Variants in GSK3B observed in about 807,000 individuals in gnomAD.
GSK3B encodes the protein glycogen synthase kinase-3 beta.
Under a neutral mutation model 56.4 loss-of-function variants are expected in GSK3B, and 15 were observed. That is an observed-to-expected ratio of 0.27 (90% CI 0.18 to 0.41). The LOEUF (loss-of-function observed/expected upper bound fraction) is 0.41, where lower values mean the gene tolerates loss of function less well. Ranked by LOEUF, GSK3B falls within the 10% of genes least tolerant of loss-of-function variation. GSK3B has a pLI of 1.00. For synonymous variants in GSK3B, 181 were observed against 188.9 expected, an observed-to-expected ratio of 0.96 and a Z score of 0.34; for missense variants, 300 against 513.4, an observed-to-expected ratio of 0.58 and a Z score of 4.02.
chr3:120,032,490 AT>A (rs2057986175), intron 1 of GSK3B, among the ~76,000 whole-genome samples: 1 of 149,780 alleles, frequency 6.7e-6, no homozygotes. Context: ...AAAAAAAAAA[AT>A]TAATTTCATC....
chr3:120,038,787 T>A (rs1465268706), intron 1 of GSK3B, among the ~76,000 whole-genome samples: 2 of 151,732 alleles, frequency 1.3e-5, no homozygotes, highest in Non-Finnish European at 2.9e-5. Flanking sequence ...TGACGAGGAC[T>A]TTTTACATAC....
intron 2 of GSK3B, among the ~76,000 whole-genome samples, chr3:119,973,158 A>T (rs1337107762): frequency 6.6e-6 from 1 of 152,190 alleles, no homozygotes; most frequent in Non-Finnish European, 1.5e-5. Context: ...AGTAAGCATT[A>T]TTACTACTAC....
intron 8 of GSK3B, among the ~76,000 whole-genome samples, chr3:119,865,759 G>A (rs1214611908): frequency 6.6e-5 from 10 of 151,792 alleles, no homozygotes; most frequent in Non-Finnish European, 1.2e-4. Context: ...GTGAGCCACC[G>A]TGCCCGGCCT....
intron 1 of GSK3B, among the ~76,000 whole-genome samples, chr3:120,034,476 AT>A (rs1265439941): frequency 1.3e-5 from 2 of 152,240 alleles, no homozygotes; most frequent in Admixed American, 6.5e-5. Flanking sequence ...TTTGTGGGGG[AT>A]AAAAAATTAT....
At chr3:119,902,980 G>C (rs916639573) in intron 7 of GSK3B, among the ~76,000 whole-genome samples, 1 of 152,068 alleles carries the variant, frequency 6.6e-6, no homozygotes, top group Non-Finnish European at 1.5e-5. Flanking sequence ...CTCCCAAAGT[G>C]CTGGGGTTAC....
chr3:119,965,059 A>AT (rs1320897409), intron 2 of GSK3B, among the ~76,000 whole-genome samples: 7 of 103,190 alleles, frequency 6.8e-5, no homozygotes, highest in East Asian at 2.7e-4. Context: ...TTTTTTTTTA[A>AT]TTTTTTTTTG....
At chr3:119,861,150 GAA>G (rs1317086849) in intron 9 of GSK3B, among the ~76,000 whole-genome samples, 2 of 152,032 alleles carry the variant, frequency 1.3e-5, no homozygotes, top group Non-Finnish European at 2.9e-5. Context: ...AGCTTCCTTA[GAA>G]AACAAGATCA....
intron 6 of GSK3B, among the ~76,000 whole-genome samples, chr3:119,907,281 G>C (rs1269249218): frequency 6.6e-6 from 1 of 152,022 alleles, no homozygotes; most frequent in Non-Finnish European, 1.5e-5. Context: ...AATTGTAAGG[G>C]AATAATTATG....
intron 8 of GSK3B, among the ~76,000 whole-genome samples, chr3:119,869,047 C>A (rs781576189): frequency 4.6e-5 from 7 of 151,334 alleles, no homozygotes; most frequent in Non-Finnish European, 1.0e-4. Flanking sequence ...TTAAAATATT[C>A]TCCCTATCTT....
chr3:120,026,964 G>T (rs111507584), intron 1 of GSK3B, among the ~76,000 whole-genome samples: 3,879 of 150,578 alleles, frequency 0.026, 168 homozygotes, highest in African/African-American at 0.089. Flanking sequence ...CCAGCTACTT[G>T]GGAGGCTGAG....
At chr3:119,835,921 C>A (rs1448203841) in intron 10 of GSK3B, among the ~76,000 whole-genome samples, 1 of 152,130 alleles carries the variant, frequency 6.6e-6, no homozygotes, top group East Asian at 1.9e-4. Flanking sequence ...GAAAAGCAAG[C>A]ATCTAATAAA....
chr3:119,823,534 T>C lies in GSK3B; in HGVS notation c.*3254A>G, dbSNP rs552528462. The C allele has an allele frequency of 5.3e-6, 1 of 188,226 alleles. No homozygotes were observed. 11.7% of individuals were successfully genotyped at this position (188,226 alleles called of 1,614,324 possible). Reference sequence around the variant, plus strand: ...GATAAAAGAGGAGAGAGAGAGAGCATGGAAGGCTCCCAGAATCTGCTGTTT... The same window carrying C: ...GATAAAAGAGGAGAGAGAGAGAGCACGGAAGGCTCCCAGAATCTGCTGTTT... On this transcript the variant is annotated 3_prime_UTR_variant, in exon 11 of 11. Transcript: ENST00000264235.
chr3:120,048,769 G>C (rs2058123948), intron 1 of GSK3B, among the ~76,000 whole-genome samples: 1 of 152,132 alleles, frequency 6.6e-6, no homozygotes, highest in Non-Finnish European at 1.5e-5. Flanking sequence ...TAATGTCATT[G>C]GTAACACTCC....
intron 7 of GSK3B, among the ~76,000 whole-genome samples, chr3:119,877,010 C>T (rs2056322614): frequency 6.6e-6 from 1 of 152,070 alleles, no homozygotes; most frequent in South Asian, 2.1e-4. Context: ...GTTATAGTAG[C>T]ACAAAACAGA....
chr3:119,832,492 A>ATC (rs1405148038), intron 10 of GSK3B, among the ~76,000 whole-genome samples: 2 of 152,256 alleles, frequency 1.3e-5, no homozygotes, highest in Admixed American at 1.3e-4. Context: ...GCAGAAATAG[A>ATC]TAACACACAT....
At chr3:120,086,162 A>G (rs2058461595) in intron 1 of GSK3B, among the ~76,000 whole-genome samples, 1 of 152,098 alleles carries the variant, frequency 6.6e-6, no homozygotes, top group African/African-American at 2.4e-5. Flanking sequence ...AGCCAGCCAA[A>G]ATCCAAGCAG....
At chr3:119,946,920 A>AT (rs1290300826) in intron 3 of GSK3B, among the ~76,000 whole-genome samples, 3 of 151,976 alleles carry the variant, frequency 2.0e-5, no homozygotes, top group Admixed American at 2.0e-4. Flanking sequence ...AAATGACTTA[A>AT]TTTTCCTCCC....
intron 1 of GSK3B, among the ~76,000 whole-genome samples, chr3:120,014,257 A>G (rs566002804): frequency 1.3e-5 from 2 of 152,222 alleles, no homozygotes; most frequent in African/African-American, 4.8e-5. Context: ...CCATAGTGAA[A>G]CTTTGTCTCT....
intron 1 of GSK3B, among the ~76,000 whole-genome samples, chr3:120,005,815 C>CA (rs766030425): frequency 3.3e-5 from 5 of 152,106 alleles, no homozygotes; most frequent in African/African-American, 4.8e-5. Context: ...GCAGCCATTG[C>CA]AAAAACATGC....
Sources: gnomAD v4.1 joint callset for allele counts (sites outside exome capture counted in the v4.1 genomes callset) on GRCh38, gnomAD v4.1.1 for gene constraint, MANE v1.5 for transcripts, NCBI Gene and HGNC (gene_info 2026-07-23, HGNC 2026-07-21) for gene names.